MPP7: variants seen among roughly 807,000 people sequenced by gnomAD.
MPP7 encodes the protein MAGUK p55 scaffold protein 7.
A neutral mutation model predicts 76.5 loss-of-function variants in MPP7; 60 were observed. The ratio of observed to expected loss-of-function variants is 0.78; its 90% CI spans 0.64 to 0.97. MPP7 has a LOEUF of 0.97. Among genes scored for constraint, MPP7 ranks in the 50% least tolerant of loss-of-function variants. The probability of loss-of-function intolerance (pLI) is 0.00; values close to 1 mark genes in which losing one functional copy is unlikely to be tolerated. For synonymous variants in MPP7, 237 were observed against 244.5 expected, an observed-to-expected ratio of 0.97 and a Z score of 0.29; for missense variants, 641 against 694.0, an observed-to-expected ratio of 0.92 and a Z score of 0.86.
At chr10:28,252,682 A>ATT (rs5784046) in intron 1 of MPP7, among the ~76,000 whole-genome samples, 2 of 151,640 alleles carry the variant, frequency 1.3e-5, no homozygotes, top group African/African-American at 2.4e-5. Flanking sequence ...ACCAGATGAG[A>ATT]TTTTTTTTTC....
At chr10:28,145,103 C>A (rs1042547111) in intron 5 of MPP7, among the ~76,000 whole-genome samples, 2 of 151,944 alleles carry the variant, frequency 1.3e-5, no homozygotes, top group African/African-American at 4.8e-5. Context: ...TTAGTAGAGA[C>A]GGGGTTTCAC....
intron 1 of MPP7, among the ~76,000 whole-genome samples, chr10:28,253,194 C>T (rs2085471): frequency 0.2 from 30,500 of 152,092 alleles, 3,553 homozygotes; most frequent in East Asian, 0.54. Flanking sequence ...GCGTGAGCCA[C>T]GATACCCGGC....
At chr10:28,248,931 G>A (rs1839523665) in intron 1 of MPP7, among the ~76,000 whole-genome samples, 2 of 152,076 alleles carry the variant, frequency 1.3e-5, no homozygotes, top group South Asian at 2.1e-4. Context: ...TTCTCAGAAC[G>A]TCTCCCTGTC....
intron 3 of MPP7, among the ~76,000 whole-genome samples, chr10:28,162,423 A>C (rs1473729817): frequency 6.6e-6 from 1 of 152,218 alleles, no homozygotes; most frequent in African/African-American, 2.4e-5. Flanking sequence ...ATTTCTAAAA[A>C]AATACAAAGA....
chr10:28,068,488 A>G (rs1215712743), intron 13 of MPP7, among the ~76,000 whole-genome samples: 1 of 152,198 alleles, frequency 6.6e-6, no homozygotes, highest in Non-Finnish European at 1.5e-5. Context: ...GCTTTCTATT[A>G]TCAACATATT....
At chr10:28,173,682 C>A (rs1378373023) in intron 3 of MPP7, among the ~76,000 whole-genome samples, 2 of 152,136 alleles carry the variant, frequency 1.3e-5, no homozygotes, top group African/African-American at 4.8e-5. Flanking sequence ...CAAAGATAAC[C>A]CGCAACCCCA....
In MPP7 at chr10:28,118,896, C is replaced by T. The variant is rs191274130; in HGVS notation, c.952+755G>A. On this transcript the variant is annotated intron_variant, in intron 11 of 16. Transcript: ENST00000683449. ...TCCAGGGCCATTTATTTGGTCATTT[C>T]GCTGTTTAATGTACAGTTTCTATGC... 281 of 985,306 alleles carry T rather than the reference C, an allele frequency of 2.9e-4. 1 individual carries two copies. The African/African-American group carries it at 4.4e-3, about 16-fold the overall frequency. 61.0% of individuals were successfully genotyped at this position (985,306 alleles called of 1,614,324 possible). A position where few individuals can be genotyped will look rare whatever the true frequency, so the allele number is the denominator to read the frequency against.
chr10:28,159,254 A>G (rs1413541690), intron 3 of MPP7, among the ~76,000 whole-genome samples: 2 of 152,220 alleles, frequency 1.3e-5, no homozygotes, highest in African/African-American at 4.8e-5. Context: ...GTATAGCCCA[A>G]TAGTTCTCAA....
At chr10:28,294,894 A>G (rs1489001740) in intron 1 of MPP7, among the ~76,000 whole-genome samples, 2 of 152,214 alleles carry the variant, frequency 1.3e-5, no homozygotes, top group African/African-American at 4.8e-5. Flanking sequence ...GCCTAAAGTC[A>G]AAGTACTAGA....
chr10:28,201,013 G>A (rs1007088440), intron 3 of MPP7, among the ~76,000 whole-genome samples: 4 of 152,112 alleles, frequency 2.6e-5, no homozygotes, highest in African/African-American at 7.2e-5. Context: ...AGTCATAAAC[G>A]TCATCAGTTA....
chr10:28,315,290 A>G (rs1285501667), intron 2 of MPP7, among the ~76,000 whole-genome samples: 5 of 138,692 alleles, frequency 3.6e-5, no homozygotes, highest in African/African-American at 1.4e-4. Flanking sequence ...GGGGGGAGGG[A>G]GAGAGGGAGA....
chr10:28,323,062 G>A (rs1241495912), intron 2 of MPP7, among the ~76,000 whole-genome samples: 3 of 152,198 alleles, frequency 2.0e-5, no homozygotes, highest in South Asian at 2.1e-4. Flanking sequence ...CAAGGCAGGC[G>A]GATCACAAGG....
intron 2 of MPP7, among the ~76,000 whole-genome samples, chr10:28,204,844 C>T (rs1221026689): frequency 1.3e-5 from 2 of 152,138 alleles, no homozygotes; most frequent in African/African-American, 2.4e-5. Flanking sequence ...CAAACAATAG[C>T]TTAGCTGTAT....
chr10:28,199,668 G>A (rs1036123091), intron 3 of MPP7, among the ~76,000 whole-genome samples: 3 of 152,016 alleles, frequency 2.0e-5, no homozygotes, highest in Admixed American at 6.6e-5. Context: ...GCATAGTAGT[G>A]TGATCTCAGC....
chr10:28,101,041 GA>G (rs1375840657), intron 11 of MPP7, among the ~76,000 whole-genome samples: 3 of 152,084 alleles, frequency 2.0e-5, no homozygotes, highest in Non-Finnish European at 4.4e-5. Context: ...TGAACAGAGA[GA>G]AAAACTGATT....
chr10:28,190,533 A>G (rs1272493728), intron 3 of MPP7, among the ~76,000 whole-genome samples: 1 of 152,204 alleles, frequency 6.6e-6, no homozygotes, highest in Non-Finnish European at 1.5e-5. Flanking sequence ...CAGCAGGAAA[A>G]TCTCTAAATA....
At chr10:28,141,476 G>A (rs1338594211) in intron 5 of MPP7, among the ~76,000 whole-genome samples, 1 of 151,846 alleles carries the variant, frequency 6.6e-6, no homozygotes, top group South Asian at 2.1e-4. Context: ...GAGATACTTC[G>A]GTAAGGTGGT....
At chr10:28,152,767 C>T (rs890048124) in intron 3 of MPP7, among the ~76,000 whole-genome samples, 8 of 152,042 alleles carry the variant, frequency 5.3e-5, no homozygotes, top group Non-Finnish European at 7.4e-5. Context: ...GAAAAATTTA[C>T]TCTGATACAG....
intron 5 of MPP7, among the ~76,000 whole-genome samples, chr10:28,142,397 C>T (rs1225573708): frequency 1.3e-5 from 2 of 152,100 alleles, no homozygotes; most frequent in African/African-American, 2.4e-5. Flanking sequence ...TCTCATGTGG[C>T]TTATATTCTA....
Sources: allele counts gnomAD v4.1 joint callset (sites outside exome capture counted in the v4.1 genomes callset), GRCh38; gene constraint gnomAD v4.1.1; transcripts MANE v1.5; gene names NCBI Gene and HGNC (gene_info 2026-07-23, HGNC 2026-07-21).